CSMD3: variants seen among roughly 807,000 people sequenced by gnomAD.
The protein encoded by CSMD3 is CUB and sushi domain-containing protein 3.
A neutral mutation model predicts 435.2 loss-of-function variants in CSMD3; 177 were observed. The observed-to-expected ratio is 0.41, with a 90% CI of 0.36 to 0.46. The LOEUF (loss-of-function observed/expected upper bound fraction) is 0.46. CSMD3 is among the 20% of genes least tolerant of loss of function. The pLI is 0.34. For synonymous variants in CSMD3, 1,656 were observed against 1,520.5 expected (o/e 1.09, Z -2.07); for missense variants, 4,265 against 4,504.6 (o/e 0.95, Z 1.52).
At chr8:112,893,842 T>G (rs1294958604) in intron 10 of CSMD3, among the ~76,000 whole-genome samples, 1 of 151,480 alleles carries the variant, frequency 6.6e-6, no homozygotes, top group Non-Finnish European at 1.5e-5. Context: ...TACAAGTGGG[T>G]TTACAAAGTA....
At chr8:113,336,308 T>G (rs771274578) in intron 1 of CSMD3, among the ~76,000 whole-genome samples, 1 of 151,842 alleles carries the variant, frequency 6.6e-6, no homozygotes, top group African/African-American at 2.4e-5. Flanking sequence ...ATTTTTTTGC[T>G]GACACTTTCG....
intron 50 of CSMD3, 172 bp downstream of exon 50, chr8:112,310,806 T>C: frequency 2.8e-6 from 2 of 709,146 alleles, no homozygotes; most frequent in Non-Finnish European, 5.1e-6. Flanking sequence ...AGTATGTTTC[T>C]TTCCCCTGGA....
chr8:112,885,239 G>C (rs962730766), intron 10 of CSMD3, among the ~76,000 whole-genome samples: 5 of 151,586 alleles, frequency 3.3e-5, no homozygotes, highest in African/African-American at 4.8e-5. Flanking sequence ...CAAACTGGGA[G>C]ATCTGAGATG....
At chr8:112,800,509 A>C (rs2078935660) in intron 12 of CSMD3, among the ~76,000 whole-genome samples, 1 of 152,014 alleles carries the variant, frequency 6.6e-6, no homozygotes, top group Non-Finnish European at 1.5e-5. Flanking sequence ...TTCCTGAGGC[A>C]AGGTCATGAT....
At chr8:112,720,469 C>A (rs1292529574) in intron 13 of CSMD3, among the ~76,000 whole-genome samples, 1 of 152,076 alleles carries the variant, frequency 6.6e-6, no homozygotes, top group Non-Finnish European at 1.5e-5. Context: ...ACAGTGAAAA[C>A]CAAGTATCAC....
intron 59 of CSMD3, among the ~76,000 whole-genome samples, chr8:112,280,279 A>T (rs1818497891): frequency 6.6e-6 from 1 of 151,746 alleles, no homozygotes; most frequent in Admixed American, 6.6e-5. Flanking sequence ...AGTCTAAACA[A>T]TTTTCTTTTG....
At chr8:112,830,315 C>T (rs1165063838) in intron 11 of CSMD3, among the ~76,000 whole-genome samples, 2 of 151,958 alleles carry the variant, frequency 1.3e-5, no homozygotes, top group East Asian at 1.9e-4. Context: ...TTTTATGTAT[C>T]GTTTGGTAAA....
chr8:113,153,786 G>C (rs142185796), intron 4 of CSMD3, among the ~76,000 whole-genome samples: 255 of 151,994 alleles, frequency 1.7e-3, no homozygotes, highest in Non-Finnish European at 2.1e-3. Flanking sequence ...ATTCTCTTTT[G>C]ACTTTCTCCT....
chr8:112,853,750 C>G (rs1419270336), intron 11 of CSMD3, among the ~76,000 whole-genome samples: 1 of 152,210 alleles, frequency 6.6e-6, no homozygotes, highest in African/African-American at 2.4e-5. Flanking sequence ...CCAGCTCCAC[C>G]TGTAGCTTTT....
intron 38 of CSMD3, among the ~76,000 whole-genome samples, chr8:112,371,145 G>C (rs1828352705): frequency 6.6e-6 from 1 of 152,176 alleles, no homozygotes; most frequent in Non-Finnish European, 1.5e-5. Context: ...AGTGGGCAGA[G>C]GTGAGGGCCT....
rs934601752 is a variant in CSMD3, at chr8:112,285,909, T to C, written c.9331+1155A>G. On this transcript the variant is annotated intron_variant, in intron 58 of 70. Transcript: ENST00000297405. ...AATTTTTAAGATTTTTGTAGAGATGTGGTCTCAGGCTGGGTCCTACTCAGG... is the reference window on the plus strand; with the variant it reads ...AATTTTTAAGATTTTTGTAGAGATGCGGTCTCAGGCTGGGTCCTACTCAGG... Among the ~76,000 whole-genome samples the C allele has an allele frequency of 4.0e-5, 6 of 151,872 alleles. No individual in the cohort carries two copies. In the East Asian group the frequency reaches 5.8e-4, roughly 15 times the overall value.
chr8:113,141,275 T>C (rs1213093684), intron 4 of CSMD3, among the ~76,000 whole-genome samples: 1 of 150,818 alleles, frequency 6.6e-6, no homozygotes, highest in African/African-American at 2.4e-5. Context: ...CAATTATACA[T>C]AATATCTTCC....
Position 113,240,441 on chromosome 8 carries a change from C to T in CSMD3, c.514+38151G>A, listed in dbSNP as rs2093201676. 2.6e-5 allele frequency among the ~76,000 whole-genome samples: 4 copies of T among 152,258 alleles called. No homozygotes were observed. In the South Asian group the frequency reaches 8.3e-4, roughly 32 times the overall value. On this transcript the variant is annotated intron_variant, in intron 3 of 70. Coordinates refer to ENST00000297405, the MANE Select transcript of CSMD3 (RefSeq NM_198123.2). ...CTCTGAGGAATTGTCCCATTGTCTT[C>T]CACAGTGGCTTAACTAATTTACACT... is the stretch of plus-strand genomic sequence containing the variant.
chr8:113,341,971 T>G (rs887685673), intron 1 of CSMD3, among the ~76,000 whole-genome samples: 4 of 152,114 alleles, frequency 2.6e-5, no homozygotes, highest in African/African-American at 9.7e-5. Flanking sequence ...TTGTATTGAT[T>G]TGTCCATTTA....
At chr8:112,234,628 T>C (rs1813405284) in intron 67 of CSMD3, 151 bp from the exon 68 acceptor site, 1 of 630,534 alleles carries the variant, frequency 1.6e-6, no homozygotes, top group South Asian at 1.9e-5. Flanking sequence ...TAACCTATAA[T>C]GCTCTTTGCA....
chr8:112,521,794 A>G (rs1824311425), intron 27 of CSMD3, among the ~76,000 whole-genome samples: 1 of 151,866 alleles, frequency 6.6e-6, no homozygotes, highest in Non-Finnish European at 1.5e-5. Context: ...TAAAATTATA[A>G]AACCTTTTAA....
chr8:112,931,138 A>T (rs1172773184), intron 9 of CSMD3, among the ~76,000 whole-genome samples: 2 of 151,958 alleles, frequency 1.3e-5, no homozygotes, highest in African/African-American at 2.4e-5. Context: ...AAGCAAACAT[A>T]CCTTAAATAC....
chr8:112,869,558 T>C (rs1028033278), intron 10 of CSMD3, among the ~76,000 whole-genome samples: 1 of 152,314 alleles, frequency 6.6e-6, no homozygotes. Flanking sequence ...TTATAAATCA[T>C]CCTACTATAA....
At chr8:112,607,338 A>G (rs1361613205) in intron 22 of CSMD3, among the ~76,000 whole-genome samples, 4 of 152,052 alleles carry the variant, frequency 2.6e-5, no homozygotes, top group Non-Finnish European at 4.4e-5. Flanking sequence ...TGATTCACTA[A>G]TTAAAAATCT....
Sources: allele counts gnomAD v4.1 joint callset (sites outside exome capture counted in the v4.1 genomes callset), GRCh38; gene constraint gnomAD v4.1.1; transcripts MANE v1.5; gene names NCBI Gene and HGNC (gene_info 2026-07-23, HGNC 2026-07-21).